Variants in KCTD2 observed in about 807,000 individuals in gnomAD.
The protein encoded by KCTD2 is BTB/POZ domain-containing protein KCTD2.
In KCTD2, 18 loss-of-function variants were observed where a neutral mutation model predicts 27.9. That is an observed-to-expected ratio of 0.64 (90% CI 0.45 to 0.96). The LOEUF is 0.96. Among genes scored for constraint, KCTD2 ranks in the 40% least tolerant of loss-of-function variants. The pLI is 0.00. For synonymous variants in KCTD2, 175 were observed against 148.4 expected (o/e 1.18, Z -1.30); for missense variants, 280 against 348.0 (o/e 0.80, Z 1.56).
chr17:75,053,020 T>C lies in KCTD2; in HGVS notation c.455T>C (p.Leu152Pro). 1.9e-6 allele frequency: 3 copies of C among 1,614,096 alleles called. No individual in the cohort carries two copies. The highest frequency in any genetic ancestry group is 2.2e-5 in the East Asian group (1 of 44,886). ...ITKELAEEGV[L>P]EEAEFYNIAS... Reference sequence around the variant, plus strand: ...AGTTTTGTCCTTGTTCCAGGTGTGCTGGAGGAAGCGGAGTTTTACAACATC... The same window carrying C: ...AGTTTTGTCCTTGTTCCAGGTGTGCCGGAGGAAGCGGAGTTTTACAACATC... Residue 152 changes from leucine to proline, a missense_variant, in exon 3 of 6, where the codon CTG becomes CCG. Leu to Pro is a moderately conservative substitution (Grantham distance 98, BLOSUM62 -3). Transcript: ENST00000322444.
upstream of KCTD2, among the ~76,000 whole-genome samples, chr17:75,046,433 C>G (rs1011202062): frequency 6.6e-6 from 1 of 152,206 alleles, no homozygotes; most frequent in African/African-American, 2.4e-5. Context: ...GCGCCTAGAA[C>G]AGATCATGCG....
At chr17:75,062,695 C>A (rs1375944908) in intron 5 of KCTD2, among the ~76,000 whole-genome samples, 2 of 140,218 alleles carry the variant, frequency 1.4e-5, no homozygotes, top group Non-Finnish European at 3.0e-5. Flanking sequence ...CCCCCCTCAC[C>A]CCCAACACAC....
At chr17:75,036,387 T>G (rs1325969052) in intron 3 of KCTD2, among the ~76,000 whole-genome samples, 2 of 152,196 alleles carry the variant, frequency 1.3e-5, no homozygotes, top group South Asian at 2.1e-4. Flanking sequence ...TCCCGAAGTG[T>G]TGTGATTACA....
intron 4 of KCTD2, 69 bp from the exon 5 acceptor site, chr17:75,062,050 AT>A: frequency 6.3e-7 from 1 of 1,575,084 alleles, no homozygotes; most frequent in Non-Finnish European, 8.7e-7. Flanking sequence ...AAGAGGGGTG[AT>A]TTGTGTAGCA....
rs973978439 is a variant in KCTD2 at position 75,064,162 on chromosome 17, C to T, written c.*1115C>T. ...CTGTGTCTCTGACCACCCCCCTGAC[C>T]CCCGCCATTACTTTCTTTTCTGGAG... On this transcript the variant is annotated 3_prime_UTR_variant, in exon 6 of 6. Transcript: ENST00000322444. 5.2e-5 allele frequency: 8 copies of T among 152,718 alleles called. No individual in the cohort carries two copies. Among genetic ancestry groups the T allele is most frequent in the Non-Finnish European group, 7.3e-5 (5 of 68,266 alleles). The allele number at this position is 152,718 out of a possible 1,614,324, so 9.5% of individuals were successfully genotyped here.
intron 2 of KCTD2, among the ~76,000 whole-genome samples, chr17:75,034,519 A>C (rs147298280): frequency 1.1e-4 from 16 of 152,100 alleles, no homozygotes; most frequent in African/African-American, 2.4e-4. Flanking sequence ...AAGACGCTAA[A>C]CCCACGTGCT....
At chr17:75,038,498 TA>T (rs1172334648) in intron 3 of KCTD2, among the ~76,000 whole-genome samples, 3 of 152,220 alleles carry the variant, frequency 2.0e-5, no homozygotes, top group African/African-American at 7.2e-5. Context: ...CACAGAGAAG[TA>T]AATCCCTGCT....
chr17:75,034,858 A>G (rs1471593201), intron 2 of KCTD2, among the ~76,000 whole-genome samples: 1 of 152,122 alleles, frequency 6.6e-6, no homozygotes, highest in Non-Finnish European at 1.5e-5. Context: ...GAGCCCGACC[A>G]CAAAGGAACC....
rs375369794 is a variant in KCTD2 at position 75,060,817 on chromosome 17, C to T, written c.636+1212C>T. On this transcript the variant is annotated intron_variant, in intron 4 of 5. Transcript: ENST00000322444. ...AACAGCTGTCTCACCAGATGCTTAC[C>T]TTCTAAAAGAAAACTCACACTTTGC... is the stretch of plus-strand genomic sequence containing the variant. 2.6e-5 allele frequency among the ~76,000 whole-genome samples: 4 copies of T among 152,346 alleles called. No homozygotes were observed. In the East Asian group the frequency reaches 7.7e-4, roughly 29 times the overall value.
chr17:75,053,857 GCT>G (rs1491098671), intron 3 of KCTD2, among the ~76,000 whole-genome samples: 1,497 of 79,484 alleles, frequency 0.019, 82 homozygotes, highest in African/African-American at 0.12. Context: ...TGTGAACCAT[GCT>G]TTTTTTTTTT....
rs1470903217 is a variant in KCTD2 at position 75,047,714 on chromosome 17, C to T, written c.339+125C>T. On this transcript the variant is annotated intron_variant, in intron 1 of 5. Transcript: ENST00000322444. The stretch of plus-strand genomic sequence containing the variant: ...CCTCAGGCCGGGACCCCATCCTCCC[C>T]CTCCCTCCCACACTACTCGCAGGGG... The T allele has an allele frequency of 3.5e-5, 31 of 886,080 alleles. No homozygotes were observed. The East Asian group carries it at 8.5e-4, about 24-fold the overall frequency. 54.9% of individuals were successfully genotyped at this position (886,080 alleles called of 1,614,324 possible). A position where few individuals can be genotyped will look rare whatever the true frequency, so the allele number is the denominator to read the frequency against.
At chr17:75,037,124 C>T (rs1183654438) in intron 3 of KCTD2, among the ~76,000 whole-genome samples, 1 of 152,160 alleles carries the variant, frequency 6.6e-6, no homozygotes, top group Admixed American at 6.5e-5. Context: ...GCGGGCAGAT[C>T]ACGAGGTCAG....
chr17:75,056,979 G>C (rs937473280), intron 3 of KCTD2, among the ~76,000 whole-genome samples: 6 of 116,270 alleles, frequency 5.2e-5, no homozygotes, highest in African/African-American at 1.8e-4. Flanking sequence ...TTTGGAGACA[G>C]AGTCTCGCTG....
chr17:75,063,107 G>T lies in KCTD2; in HGVS notation c.*60G>T. On this transcript the variant is annotated 3_prime_UTR_variant, in exon 6 of 6. Transcript: ENST00000322444. ...GCAGTCAGCAGAGCCCCTCTGTGAA[G>T]TGAAACCTCACTCCTGTCCAGTGAC... 6.6e-7 allele frequency: 1 copy of T among 1,510,696 alleles called. No homozygotes were observed. The highest frequency in any genetic ancestry group is 9.2e-7 in the Non-Finnish European group (1 of 1,088,404). 93.6% of individuals were successfully genotyped at this position (1,510,696 alleles called of 1,614,324 possible). A position where few individuals can be genotyped will look rare whatever the true frequency, so the allele number is the denominator to read the frequency against.
rs1422906338 is a variant in KCTD2 at position 75,065,354 on chromosome 17, T to A, written c.*2307T>A. The A allele has an allele frequency of 6.6e-6, 1 of 152,228 alleles. No individual in the cohort carries two copies. Among genetic ancestry groups the A allele is most frequent in the African/African-American group, 2.4e-5 (1 of 41,444 alleles). The allele number at this position is 152,228 out of a possible 1,614,324, so 9.4% of individuals were successfully genotyped here. A position where few individuals can be genotyped will look rare whatever the true frequency, so the allele number is the denominator to read the frequency against. ...TAGGAACCAGGCTGGTGTTCTTGCT[T>A]GAAAGCGTTGTGCCCTCTGAGTGTC... is the stretch of plus-strand genomic sequence containing the variant. On this transcript the variant is annotated 3_prime_UTR_variant, in exon 6 of 6. Coordinates refer to ENST00000322444, the MANE Select transcript of KCTD2 (RefSeq NM_015353.3).
chr17:75,060,680 A>G, intron 4 of KCTD2: 8 of 1,414,668 alleles, frequency 5.7e-6, no homozygotes, highest in Non-Finnish European at 7.5e-6. Context: ...AGGGCGGGTC[A>G]GGCTGCACTC....
At chr17:75,037,073 G>A (rs893757233) in intron 3 of KCTD2, among the ~76,000 whole-genome samples, 5 of 152,112 alleles carry the variant, frequency 3.3e-5, no homozygotes, top group African/African-American at 7.2e-5. Flanking sequence ...GGCCAGGTGC[G>A]GTGGCTCACG....
intron 4 of KCTD2, among the ~76,000 whole-genome samples, chr17:75,061,183 C>G (rs1434301249): frequency 6.6e-6 from 1 of 152,196 alleles, no homozygotes; most frequent in Non-Finnish European, 1.5e-5. Flanking sequence ...AAGTTTGTTT[C>G]AGACAGGCGG....
intron 4 of KCTD2, chr17:75,060,659 G>C (rs1302988505): frequency 6.6e-7 from 1 of 1,519,352 alleles, no homozygotes; most frequent in Non-Finnish European, 8.8e-7. Context: ...GCCAGGGAGG[G>C]CGCGCGTGCG....
Sources: allele counts gnomAD v4.1 joint callset (sites outside exome capture counted in the v4.1 genomes callset), GRCh38; gene constraint gnomAD v4.1.1; transcripts MANE v1.5; gene names NCBI Gene and HGNC (gene_info 2026-07-23, HGNC 2026-07-21).